Variants in KLF8 observed in about 807,000 individuals in gnomAD.
KLF8 encodes Krueppel-like factor 8.
Under a neutral mutation model 18.2 loss-of-function variants are expected in KLF8, and 10 were observed. That is an observed-to-expected ratio of 0.55 (90% CI 0.34 to 0.93). The LOEUF (loss-of-function observed/expected upper bound fraction) is 0.93, where lower values mean the gene tolerates loss of function less well. KLF8 is among the 40% of genes least tolerant of loss of function. The pLI is 0.02. For synonymous variants in KLF8, 109 were observed against 97.3 expected, an observed-to-expected ratio of 1.12 and a Z score of -0.71; for missense variants, 264 against 277.9, an observed-to-expected ratio of 0.95 and a Z score of 0.36.
the KLF8 span, among the ~76,000 whole-genome samples, chrX:55,975,829 G>C: frequency 8.9e-6 from 1 of 111,828 alleles, no homozygotes; most frequent in African/African-American, 3.2e-5. Context: ...TGTATTCATG[G>C]CCAGGCGCGG....
the KLF8 span, among the ~76,000 whole-genome samples, chrX:56,069,812 GGTCCTGCCCAGCA>G: frequency 9.0e-6 from 1 of 111,710 alleles, no homozygotes; most frequent in African/African-American, 3.3e-5. Flanking sequence ...CCTGCCCAGC[GGTCCTGCCCAGCA>G]GTCCTGCTTC....
the KLF8 span, among the ~76,000 whole-genome samples, chrX:56,175,883 G>A: frequency 9.0e-6 from 1 of 110,953 alleles, no homozygotes; most frequent in South Asian, 3.8e-4. Context: ...GATCTTTGTT[G>A]GTTTAAAGTT....
At chrX:55,933,110 T>C in the KLF8 span, among the ~76,000 whole-genome samples, 1 of 112,298 alleles carries the variant, frequency 8.9e-6, no homozygotes, top group South Asian at 3.7e-4. Context: ...TTCCTTGTTC[T>C]GATTTGTTTT....
the KLF8 span, among the ~76,000 whole-genome samples, chrX:56,040,886 CTTT>C: frequency 2.0e-4 from 6 of 30,234 alleles, no homozygotes; most frequent in Non-Finnish European, 2.6e-4. Context: ...TGGTCTTGGG[CTTT>C]TTTTTTTTTT....
At chrX:55,920,244 C>G in the KLF8 span, among the ~76,000 whole-genome samples, 1 of 111,473 alleles carries the variant, frequency 9.0e-6, no homozygotes, top group Non-Finnish European at 1.9e-5. Context: ...AAGGGAGCAC[C>G]CCGTGGGACA....
At chrX:55,974,502 T>A in the KLF8 span, among the ~76,000 whole-genome samples, 98 of 111,738 alleles carry the variant, frequency 8.8e-4, no homozygotes, top group Non-Finnish European at 1.7e-3. Flanking sequence ...GCTAGGATCA[T>A]TTCTTTATTA....
chrX:56,268,213 A>G (rs1290614195), intron 3 of KLF8: 1 of 111,620 alleles, frequency 9.0e-6, no homozygotes, highest in Non-Finnish European at 1.9e-5. Context: ...TTGTTGATAG[A>G]TATTTTAGGT....
the KLF8 span, among the ~76,000 whole-genome samples, chrX:55,964,161 G>A: frequency 3.6e-5 from 4 of 111,351 alleles, no homozygotes; most frequent in Admixed American, 1.9e-4. Flanking sequence ...CACCCACATC[G>A]AGAACTTAGA....
chrX:56,086,907 C>T, the KLF8 span, among the ~76,000 whole-genome samples: 1 of 111,577 alleles, frequency 9.0e-6, no homozygotes, highest in Non-Finnish European at 1.9e-5. Context: ...GTGTTATACA[C>T]TAAGCACCAA....
At chrX:56,178,693 T>C in the KLF8 span, among the ~76,000 whole-genome samples, 21 of 112,444 alleles carry the variant, frequency 1.9e-4, no homozygotes, top group African/African-American at 6.8e-4. Flanking sequence ...TTTTCAGCTT[T>C]CTACATATGG....
At chrX:56,167,788 G>T in the KLF8 span, among the ~76,000 whole-genome samples, 2 of 112,279 alleles carry the variant, frequency 1.8e-5, no homozygotes, top group African/African-American at 6.5e-5. Context: ...CCCAGTTCAG[G>T]CAATCTTTTT....
At chrX:56,192,385 A>G in the KLF8 span, among the ~76,000 whole-genome samples, 3 of 111,889 alleles carry the variant, frequency 2.7e-5, no homozygotes, top group Non-Finnish European at 3.8e-5. Flanking sequence ...ATATTAATAT[A>G]TACTACAAAA....
the KLF8 span, among the ~76,000 whole-genome samples, chrX:56,015,377 C>G: frequency 9.0e-6 from 1 of 111,578 alleles, no homozygotes; most frequent in African/African-American, 3.3e-5. Context: ...ACTCACCAAC[C>G]ATTTATATTG....
chrX:55,927,816 T>C, the KLF8 span, among the ~76,000 whole-genome samples: 2 of 111,681 alleles, frequency 1.8e-5, no homozygotes, highest in African/African-American at 6.5e-5. Context: ...TGATTATGTG[T>C]GTTGTAAATA....
At chrX:56,148,355 T>C in the KLF8 span, among the ~76,000 whole-genome samples, 1 of 111,448 alleles carries the variant, frequency 9.0e-6, no homozygotes, top group African/African-American at 3.3e-5. Context: ...TAACCAACTC[T>C]ACGTCTCTGT....
the KLF8 span, among the ~76,000 whole-genome samples, chrX:55,979,119 C>A: frequency 9.0e-6 from 1 of 111,683 alleles, no homozygotes; most frequent in Non-Finnish European, 1.9e-5. Context: ...GTGCAGTAAT[C>A]CCTTGTTATC....
chrX:56,010,136 A>T, the KLF8 span, among the ~76,000 whole-genome samples: 2 of 111,294 alleles, frequency 1.8e-5, no homozygotes, highest in South Asian at 7.7e-4. Context: ...CCATGAGAAG[A>T]TCAACCCCAA....
At chrX:56,008,007 G>A in the KLF8 span, among the ~76,000 whole-genome samples, 2 of 109,970 alleles carry the variant, frequency 1.8e-5, no homozygotes, top group African/African-American at 3.3e-5. Context: ...ATATTTCAGT[G>A]AGCCTAGTAG....
chrX:55,953,933 AT>A, the KLF8 span, among the ~76,000 whole-genome samples: 1 of 109,531 alleles, frequency 9.1e-6, no homozygotes, highest in African/African-American at 3.3e-5. Flanking sequence ...CAAATTATAT[AT>A]ATATGTATAT....
Sources: gnomAD v4.1 joint callset for allele counts (sites outside exome capture counted in the v4.1 genomes callset) on GRCh38, gnomAD v4.1.1 for gene constraint, MANE v1.5 for transcripts, NCBI Gene and HGNC (gene_info 2026-07-23, HGNC 2026-07-21) for gene names.